CYP4F22: variants seen among roughly 807,000 people sequenced by gnomAD.
CYP4F22 encodes the protein cytochrome P450 family 4 subfamily F member 22.
CYP4F22 carries 37 observed loss-of-function variants against 60.4 expected under a neutral mutation model. That is an observed-to-expected ratio of 0.61 (90% CI 0.47 to 0.81). The LOEUF is 0.81. Ranked by LOEUF, CYP4F22 falls within the 30% of genes least tolerant of loss-of-function variation. CYP4F22 has a pLI of 0.00. For synonymous variants in CYP4F22, 258 were observed against 280.5 expected (o/e 0.92, Z 0.80); for missense variants, 655 against 715.0 (o/e 0.92, Z 0.96).
Position 15,550,285 on chromosome 19 carries a change from TAACAAACA to T in CYP4F22, c.1336-374_1336-367del, listed in dbSNP as rs372180595. Among the ~76,000 whole-genome samples, 1,409 of 151,606 alleles carry T rather than the reference TAACAAACA, an allele frequency of 9.3e-3. 26 individuals are homozygous for T. Among genetic ancestry groups the T allele is most frequent in the African/African-American group, 0.032 (1,339 of 41,258 alleles). On this transcript the variant is annotated intron_variant, in intron 12 of 13. Transcript: ENST00000269703. Reference sequence around the variant, plus strand: ...TCCAGCCTGAGTGAGACTCTGACTCTAACAAACAAACAAACAAACAAAGACAGACAAAC... The same window carrying T: ...TCCAGCCTGAGTGAGACTCTGACTCTAACAAACAAACAAAGACAGACAAAC...
At chr19:15,545,565 C>G (rs1342071664) in intron 10 of CYP4F22, among the ~76,000 whole-genome samples, 1 of 133,540 alleles carries the variant, frequency 7.5e-6, no homozygotes, top group Non-Finnish European at 1.6e-5. Flanking sequence ...GGGAGGACTG[C>G]TTGAACCCAG....
At chr19:15,546,812 G>C (rs1971531439) in intron 10 of CYP4F22, among the ~76,000 whole-genome samples, 2 of 151,530 alleles carry the variant, frequency 1.3e-5, no homozygotes, top group African/African-American at 4.9e-5. Context: ...ACAGTGGCAT[G>C]ATCATAGCTC....
At chr19:15,520,218 C>A (rs368599093) in intron 1 of CYP4F22, among the ~76,000 whole-genome samples, 1 of 151,464 alleles carries the variant, frequency 6.6e-6, no homozygotes, top group East Asian at 2.0e-4. Context: ...TGGTGGTGGG[C>A]GCCTATAGTC....
chr19:15,524,856 AAG>A (rs553919222), intron 2 of CYP4F22, among the ~76,000 whole-genome samples: 65 of 152,264 alleles, frequency 4.3e-4, no homozygotes, highest in African/African-American at 1.5e-3. Context: ...AAGAAAAAGA[AAG>A]AGGGGGAAAG....
rs113575189 is a variant in CYP4F22 at position 15,520,774 on chromosome 19, G to GT, written c.-108-2907dup. ...TGCTAATATTTTGTTTTGTTTTTTTGTTTTTTTTTTTTGAGACAGAGTCTC... is the reference window on the plus strand; with the variant it reads ...TGCTAATATTTTGTTTTGTTTTTTTGTTTTTTTTTTTTTGAGACAGAGTCTC... On this transcript the variant is annotated intron_variant, in intron 1 of 13. Transcript: ENST00000269703. Among the ~76,000 whole-genome samples the GT allele has an allele frequency of 2.2e-3, 238 of 107,798 alleles. 7 individuals carry two copies. In the East Asian group the frequency reaches 0.04, roughly 18 times the overall value. 70.7% of individuals were successfully genotyped at this position (107,798 alleles called of 152,430 possible).
rs1263562542 is a variant in CYP4F22, at chr19:15,551,455, T to C, written c.1580T>C (p.Leu527Pro). The C allele has an allele frequency of 1.9e-6, 3 of 1,565,234 alleles. No homozygotes were observed. Among genetic ancestry groups the C allele is most frequent in the East Asian group, 2.4e-5 (1 of 41,534 alleles). ...GGGCTCTGGCTCAAGGTGGAGCCGCTGCCTCCGCGGGCCTGAGCGTGGGCG... is the reference window on the plus strand; with the variant it reads ...GGGCTCTGGCTCAAGGTGGAGCCGCCGCCTCCGCGGGCCTGAGCGTGGGCG... ...ENGLWLKVEP[L>P]PPRA is the part of the protein sequence containing the mutation. Residue 527 changes from leucine to proline, a missense_variant, in exon 14 of 14, where the codon CTG becomes CCG. By Grantham distance (98) the Leu-to-Pro change is moderately conservative (BLOSUM62 -3). Transcript: ENST00000269703.
At chr19:15,513,615 C>T (rs930489171) in intron 1 of CYP4F22, among the ~76,000 whole-genome samples, 15 of 152,116 alleles carry the variant, frequency 9.9e-5, no homozygotes, top group Middle Eastern at 3.4e-3. Flanking sequence ...CTGCCCGCCT[C>T]GGCCTCCCAA....
chr19:15,508,827 CTT>C (rs1003996674), intron 1 of CYP4F22, among the ~76,000 whole-genome samples: 1 of 145,376 alleles, frequency 6.9e-6, no homozygotes, highest in African/African-American at 2.5e-5. Context: ...GAGTTGTTTT[CTT>C]TTTTTTTTTT....
At chr19:15,517,450 C>T (rs970664738) in intron 1 of CYP4F22, among the ~76,000 whole-genome samples, 4 of 152,254 alleles carry the variant, frequency 2.6e-5, no homozygotes, top group East Asian at 1.9e-4. Context: ...GGAGGTGAAG[C>T]GGACACAGGG....
intron 8 of CYP4F22, among the ~76,000 whole-genome samples, chr19:15,541,282 G>T (rs1971459288): frequency 6.6e-6 from 1 of 152,170 alleles, no homozygotes. Context: ...GGTATCTGCA[G>T]GGCTGGTTTC....
At chr19:15,540,847 G>A (rs770080643) in intron 8 of CYP4F22, 130 bp downstream of exon 8, 1 of 1,166,378 alleles carries the variant, frequency 8.6e-7, no homozygotes, top group Non-Finnish European at 1.2e-6. Context: ...CGCTTTGGGA[G>A]GCCAAGGCGG....
intron 7 of CYP4F22, among the ~76,000 whole-genome samples, chr19:15,539,472 T>G (rs895903055): frequency 2.6e-5 from 4 of 152,372 alleles, no homozygotes; most frequent in African/African-American, 9.6e-5. Context: ...TTTCGACCTT[T>G]ATGAATAATG....
chr19:15,535,374 T>TG, intron 4 of CYP4F22, among the ~76,000 whole-genome samples: 1 of 152,164 alleles, frequency 6.6e-6, no homozygotes, highest in African/African-American at 2.4e-5. Context: ...GTGTGATGAA[T>TG]GGGGGGATGA....
intron 6 of CYP4F22, 55 bp from the exon 7 acceptor site, chr19:15,537,817 G>T: frequency 6.2e-7 from 1 of 1,612,082 alleles, no homozygotes; most frequent in South Asian, 1.1e-5. Context: ...GTCCTTGTTA[G>T]GCTGACTCCC....
rs1209090283 is a variant in CYP4F22 at position 15,511,288 on chromosome 19, T to A, written c.-109+2705T>A. On this transcript the variant is annotated intron_variant, in intron 1 of 13. Coordinates refer to ENST00000269703, the MANE Select transcript of CYP4F22 (RefSeq NM_173483.4). ...CGCCCAGCACTATATTAATTTTTTT[T>A]AACAAAAAAATTAAAAAAAAATTAG... is the stretch of plus-strand genomic sequence containing the variant. 7.9e-5 allele frequency among the ~76,000 whole-genome samples: 12 copies of A among 151,450 alleles called. No homozygotes were observed. The South Asian group carries it at 1.3e-3, about 16-fold the overall frequency.
chr19:15,521,678 A>AT (rs1318810556), intron 1 of CYP4F22, among the ~76,000 whole-genome samples: 7 of 150,400 alleles, frequency 4.7e-5, no homozygotes, highest in Admixed American at 3.3e-4. Flanking sequence ...TTTAATTTTA[A>AT]TTTTTTTTAA....
chr19:15,516,835 CTTTTTTTT>C, intron 1 of CYP4F22: 1 of 207,386 alleles, frequency 4.8e-6, no homozygotes. Flanking sequence ...AGATGTTATT[CTTTTTTTT>C]TTTTTTTTTT....
At chr19:15,530,454 G>A (rs576121356) in intron 4 of CYP4F22, among the ~76,000 whole-genome samples, 3 of 152,122 alleles carry the variant, frequency 2.0e-5, no homozygotes, top group Admixed American at 6.5e-5. Context: ...TTGGACCTGG[G>A]TATGTCTGTG....
At chr19:15,547,018 G>GTTTTGTTTT (rs1555730099) in intron 10 of CYP4F22, among the ~76,000 whole-genome samples, 1 of 82,330 alleles carries the variant, frequency 1.2e-5, no homozygotes, top group Admixed American at 1.6e-4. Flanking sequence ...GCCTGCACCA[G>GTTTTGTTTT]TTTTTTTTTT....
Sources: allele counts gnomAD v4.1 joint callset (sites outside exome capture counted in the v4.1 genomes callset), GRCh38; gene constraint gnomAD v4.1.1; transcripts MANE v1.5; gene names NCBI Gene and HGNC (gene_info 2026-07-23, HGNC 2026-07-21).